DLC1: variants seen among roughly 807,000 people sequenced by gnomAD.
DLC1 encodes the protein DLC1 Rho GTPase activating protein, also known as rho GTPase-activating protein 7.
Under a neutral mutation model 140.3 loss-of-function variants are expected in DLC1, and 54 were observed. The observed-to-expected ratio is 0.38, with a 90% CI of 0.31 to 0.48. The LOEUF (loss-of-function observed/expected upper bound fraction) is 0.48, where lower values mean the gene tolerates loss of function less well. Ranked by LOEUF, DLC1 falls within the 20% of genes least tolerant of loss-of-function variation. The pLI is 0.96. For synonymous variants in DLC1, 986 were observed against 728.1 expected (o/e 1.35, Z -5.70); for missense variants, 2,536 against 1,907.0 (o/e 1.33, Z -6.14).
At chr8:13,505,858 A>G (rs1802033784) in intron 1 of DLC1, among the ~76,000 whole-genome samples, 1 of 152,246 alleles carries the variant, frequency 6.6e-6, no homozygotes, top group Non-Finnish European at 1.5e-5. Context: ...TTATCTGAAT[A>G]GAAGTTTAAG....
intron 1 of DLC1, among the ~76,000 whole-genome samples, chr8:13,501,740 A>G (rs1174674377): frequency 6.6e-6 from 1 of 152,224 alleles, no homozygotes; most frequent in East Asian, 1.9e-4. Flanking sequence ...GTCTGTGGCC[A>G]TCTTGAAAAG....
intron 5 of DLC1, among the ~76,000 whole-genome samples, chr8:13,238,627 T>C (rs1829401273): frequency 6.6e-6 from 1 of 152,186 alleles, no homozygotes; most frequent in South Asian, 2.1e-4. Flanking sequence ...CCTCCCTTCC[T>C]TAATCAGCTC....
chr8:13,585,750 T>C (rs1477476528), intron 1 of DLC1, among the ~76,000 whole-genome samples: 2 of 152,190 alleles, frequency 1.3e-5, no homozygotes, highest in African/African-American at 4.8e-5. Context: ...TGATTTCTTC[T>C]TTCACATTCA....
At chr8:13,230,540 T>G (rs920774417) in intron 5 of DLC1, among the ~76,000 whole-genome samples, 1 of 151,990 alleles carries the variant, frequency 6.6e-6, no homozygotes, top group Non-Finnish European at 1.5e-5. Context: ...CTAAATGGAG[T>G]AGATATAAAA....
At chr8:13,232,189 G>A (rs1019310456) in intron 5 of DLC1, among the ~76,000 whole-genome samples, 1 of 152,118 alleles carries the variant, frequency 6.6e-6, no homozygotes, top group Non-Finnish European at 1.5e-5. Flanking sequence ...TGAAGCATGG[G>A]GGAATAGACA....
intron 12 of DLC1, among the ~76,000 whole-genome samples, chr8:13,093,299 G>C (rs1451070567): frequency 6.6e-6 from 1 of 152,032 alleles, no homozygotes; most frequent in East Asian, 1.9e-4. Flanking sequence ...AGTATCTCTG[G>C]AGATTTGCAT....
intron 5 of DLC1, among the ~76,000 whole-genome samples, chr8:13,136,821 C>T (rs932714658): frequency 2.0e-5 from 3 of 152,196 alleles, no homozygotes; most frequent in Non-Finnish European, 2.9e-5. Flanking sequence ...AGGTGTGAGC[C>T]ACCACACCTG....
At chr8:13,475,458 C>T (rs917591065) in intron 2 of DLC1, among the ~76,000 whole-genome samples, 9 of 152,114 alleles carry the variant, frequency 5.9e-5, no homozygotes, top group Admixed American at 1.3e-4. Flanking sequence ...AATAAATTTC[C>T]TGTTATTCTT....
chr8:13,242,277 G>A (rs1453479004), intron 5 of DLC1, among the ~76,000 whole-genome samples: 1 of 152,094 alleles, frequency 6.6e-6, no homozygotes, highest in Non-Finnish European at 1.5e-5. Flanking sequence ...GATAGGAGGA[G>A]TCTATATTTA....
chr8:13,107,685 A>G (rs998342982), intron 7 of DLC1, among the ~76,000 whole-genome samples: 1 of 152,228 alleles, frequency 6.6e-6, no homozygotes, highest in Non-Finnish European at 1.5e-5. Flanking sequence ...TGAAGTGACT[A>G]TCACATAATC....
intron 5 of DLC1, among the ~76,000 whole-genome samples, chr8:13,203,803 A>G (rs537837089): frequency 5.1e-4 from 78 of 152,352 alleles, no homozygotes; most frequent in African/African-American, 1.8e-3. Context: ...TTTGGGAAAC[A>G]GAACAGAATG....
chr8:13,171,668 G>T (rs1825489818), intron 5 of DLC1, among the ~76,000 whole-genome samples: 1 of 152,158 alleles, frequency 6.6e-6, no homozygotes, highest in Non-Finnish European at 1.5e-5. Flanking sequence ...GATTACAGGT[G>T]TGAACCACCA....
At chr8:13,092,591 C>T (rs1408038937) in intron 13 of DLC1, 21 bp downstream of exon 13, 1 of 1,610,726 alleles carries the variant, frequency 6.2e-7, no homozygotes, top group Admixed American at 1.7e-5. Flanking sequence ...TGTGTGCATG[C>T]ACCTCCCATG....
chr8:13,581,653 C>T (rs1585300088), intron 1 of DLC1, among the ~76,000 whole-genome samples: 1 of 152,286 alleles, frequency 6.6e-6, no homozygotes, highest in Non-Finnish European at 1.5e-5. Context: ...CTGTTCATCA[C>T]CCTGTAATCC....
chr8:13,102,304 G>A (rs1005559958), intron 8 of DLC1, among the ~76,000 whole-genome samples: 1 of 152,132 alleles, frequency 6.6e-6, no homozygotes, highest in Non-Finnish European at 1.5e-5. Context: ...GGGATCTCCT[G>A]CCTTCTCCTC....
chr8:13,170,729 C>CAAAAAAAA (rs1179460110), intron 5 of DLC1, among the ~76,000 whole-genome samples: 1 of 63,148 alleles, frequency 1.6e-5, no homozygotes, highest in African/African-American at 6.5e-5. Flanking sequence ...GACTCCATCT[C>CAAAAAAAA]AAAAAAAAAA....
At chr8:13,220,272 G>A (rs937689360) in intron 5 of DLC1, among the ~76,000 whole-genome samples, 17 of 152,142 alleles carry the variant, frequency 1.1e-4, no homozygotes, top group African/African-American at 4.1e-4. Flanking sequence ...AAGAAGGTGG[G>A]CTTCTGAGAA....
intron 13 of DLC1, among the ~76,000 whole-genome samples, chr8:13,091,936 C>G (rs1412279145): frequency 1.3e-5 from 2 of 152,062 alleles, no homozygotes; most frequent in African/African-American, 4.8e-5. Flanking sequence ...TTGGAATGCC[C>G]CAGTCAACTT....
At chr8:13,389,117 C>G (rs1201688748) in intron 4 of DLC1, among the ~76,000 whole-genome samples, 1 of 151,930 alleles carries the variant, frequency 6.6e-6, no homozygotes, top group African/African-American at 2.4e-5. Context: ...CCTTCAGTTA[C>G]TTATTTTACA....
Sources: allele counts gnomAD v4.1 joint callset (sites outside exome capture counted in the v4.1 genomes callset), GRCh38; gene constraint gnomAD v4.1.1; transcripts MANE v1.5; gene names NCBI Gene and HGNC (gene_info 2026-07-23, HGNC 2026-07-21).